Variants in TSG101 observed in about 807,000 individuals in gnomAD.
TSG101 encodes tumor susceptibility gene 101 protein.
TSG101 carries 19 observed loss-of-function variants against 48.5 expected under a neutral mutation model. The observed-to-expected ratio is 0.39, with a 90% CI of 0.27 to 0.58. The LOEUF is 0.58. TSG101 is among the 20% of genes least tolerant of loss of function. The pLI, the probability that TSG101 is intolerant of heterozygous loss-of-function variation, is 0.55. For synonymous variants in TSG101, 174 were observed against 169.4 expected (o/e 1.03, Z -0.21); for missense variants, 365 against 484.4 (o/e 0.75, Z 2.31).
At chr11:18,489,488 G>GA (rs1849668249) in intron 7 of TSG101, among the ~76,000 whole-genome samples, 1 of 152,166 alleles carries the variant, frequency 6.6e-6, no homozygotes, top group Non-Finnish European at 1.5e-5. Context: ...TGTTAACAAT[G>GA]AAAATAGATT....
intron 1 of TSG101, among the ~76,000 whole-genome samples, chr11:18,524,393 T>G (rs1014476305): frequency 2.6e-5 from 4 of 152,144 alleles, no homozygotes; most frequent in Non-Finnish European, 5.9e-5. Context: ...GTGGAGAGCC[T>G]ACAATCAGAT....
intron 7 of TSG101, chr11:18,490,737 G>C: frequency 2.1e-6 from 1 of 470,096 alleles, no homozygotes; most frequent in South Asian, 1.9e-5. Flanking sequence ...ATCTGCTGCT[G>C]TTTCTCATTC....
intron 7 of TSG101, among the ~76,000 whole-genome samples, chr11:18,496,477 TA>T (rs1223301612): frequency 1.4e-5 from 2 of 146,888 alleles, no homozygotes; most frequent in African/African-American, 5.0e-5. Context: ...TAAAATAAAA[TA>T]AAATAAAATA....
intron 3 of TSG101, 117 bp from the exon 4 acceptor site, chr11:18,514,958 C>G (rs1486904225): frequency 3.3e-6 from 3 of 918,346 alleles, no homozygotes; most frequent in Admixed American, 3.6e-5. Context: ...GCATCCCCCC[C>G]ATTCCTATTT....
At chr11:18,518,874 T>A (rs555075746) in intron 2 of TSG101, among the ~76,000 whole-genome samples, 2 of 152,202 alleles carry the variant, frequency 1.3e-5, no homozygotes, top group Non-Finnish European at 2.9e-5. Context: ...AGCTTAACTA[T>A]AGAATTCTGC....
At chr11:18,510,265 A>G (rs113754265) in intron 4 of TSG101, among the ~76,000 whole-genome samples, 127 of 152,066 alleles carry the variant, frequency 8.4e-4, no homozygotes, top group African/African-American at 2.6e-3. Flanking sequence ...TACTAAAAAC[A>G]CAAAAATTAG....
intron 7 of TSG101, among the ~76,000 whole-genome samples, chr11:18,493,935 AG>A (rs796595822): frequency 6.6e-6 from 1 of 152,176 alleles, no homozygotes; most frequent in Non-Finnish European, 1.5e-5. Context: ...CAAAGAAATT[AG>A]GGGGCCTCAA....
intron 7 of TSG101, among the ~76,000 whole-genome samples, chr11:18,488,711 C>A (rs530048566): frequency 9.9e-5 from 15 of 151,984 alleles, no homozygotes; most frequent in African/African-American, 3.4e-4. Context: ...TGCCCATATA[C>A]AGCATTAAAA....
intron 7 of TSG101, among the ~76,000 whole-genome samples, chr11:18,492,321 T>C (rs1483327583): frequency 2.6e-5 from 4 of 152,242 alleles, no homozygotes; most frequent in Non-Finnish European, 4.4e-5. Context: ...ATTCCATTCA[T>C]TGGCACAGAA....
Position 18,522,595 on chromosome 11 carries a change from C to T in TSG101, c.43-2992G>A, listed in dbSNP as rs1039762389. The stretch of plus-strand genomic sequence containing the variant: ...CTCTGCCTCCATCGTTAACCCCCTA[C>T]AGTCTAGTCTCAGCATAGCATCTAG... On this transcript the variant is annotated intron_variant, in intron 1 of 9. Transcript: ENST00000251968. Among the ~76,000 whole-genome samples the T allele has an allele frequency of 6.3e-4, 96 of 152,234 alleles. 6 individuals carry two copies.
intron 9 of TSG101, chr11:18,481,208 G>T: frequency 2.3e-6 from 2 of 864,148 alleles, no homozygotes; most frequent in Non-Finnish European, 2.8e-6. Context: ...TGAAAGGGCA[G>T]CCTGATACTT....
At chr11:18,522,912 C>T (rs1231550783) in intron 1 of TSG101, among the ~76,000 whole-genome samples, 2 of 152,088 alleles carry the variant, frequency 1.3e-5, no homozygotes, top group Middle Eastern at 3.2e-3. Context: ...TTTTTCTTGA[C>T]AGGATCTTGC....
intron 5 of TSG101, chr11:18,508,473 A>T (rs12421394): frequency 0.11 from 17,363 of 152,062 alleles, 1,241 homozygotes; most frequent in South Asian, 0.24. Context: ...CTGGGGTTAC[A>T]GCTACCACAC....
intron 6 of TSG101, among the ~76,000 whole-genome samples, chr11:18,505,636 CGT>C (rs1849957429): frequency 6.6e-6 from 1 of 152,058 alleles, no homozygotes; most frequent in African/African-American, 2.4e-5. Flanking sequence ...GACTTTCTAG[CGT>C]GTGTTAACAG....
chr11:18,480,352 A>C lies in TSG101; in HGVS notation c.*194T>G, dbSNP rs775214935. On this transcript the variant is annotated 3_prime_UTR_variant, in exon 10 of 10. Transcript: ENST00000251968. ...ATTTAGCAGTCCCAACATTCAGCAC[A>C]AAAAGTTTACAGAGGATAGAAAGTG... is the stretch of plus-strand genomic sequence containing the variant. 4 of 407,438 alleles carry C rather than the reference A, an allele frequency of 9.8e-6. No individual in the cohort carries two copies. Among genetic ancestry groups the C allele is most frequent in the African/African-American group, 2.0e-5 (1 of 49,018 alleles). The allele number at this position is 407,438 out of a possible 1,614,324, so 25.2% of individuals were successfully genotyped here.
At chr11:18,502,630 T>C (rs1849908074) in intron 6 of TSG101, 53 bp from the exon 7 acceptor site, 2 of 1,387,152 alleles carry the variant, frequency 1.4e-6, no homozygotes, top group Middle Eastern at 1.8e-4. Flanking sequence ...AACCTTATAG[T>C]ATTTTGAAGA....
chr11:18,480,711 C>T lies in TSG101; in HGVS notation c.1084-76G>A, dbSNP rs766595126. ...CAGGCATAAAATAGACAATTTGTAA[C>T]CTAGATGGGATCTAAGAACCCTAAC... On this transcript the variant is annotated intron_variant, in intron 9 of 9. Coordinates refer to ENST00000251968, the MANE Select transcript of TSG101 (RefSeq NM_006292.4). The T allele has an allele frequency of 2.2e-4, 297 of 1,357,674 alleles. 3 individuals are homozygous for T. The highest frequency in any genetic ancestry group is 1.2e-3 in the South Asian group (99 of 80,112). The allele number at this position is 1,357,674 out of a possible 1,614,324, so 84.1% of individuals were successfully genotyped here.
At chr11:18,491,463 T>A (rs1453066670) in intron 7 of TSG101, among the ~76,000 whole-genome samples, 1 of 152,208 alleles carries the variant, frequency 6.6e-6, no homozygotes, top group East Asian at 1.9e-4. Context: ...ACTCCATGCA[T>A]AATGATACAT....
intron 7 of TSG101, among the ~76,000 whole-genome samples, chr11:18,496,255 G>C (rs1251856744): frequency 4.0e-5 from 6 of 151,890 alleles, no homozygotes; most frequent in Non-Finnish European, 8.8e-5. Flanking sequence ...CCTGAGGTTA[G>C]GAGATTGACC....
Sources: allele counts gnomAD v4.1 joint callset (sites outside exome capture counted in the v4.1 genomes callset), GRCh38; gene constraint gnomAD v4.1.1; transcripts MANE v1.5; gene names NCBI Gene and HGNC (gene_info 2026-07-23, HGNC 2026-07-21).